QTMAN: variants seen among roughly 807,000 people sequenced by gnomAD.
QTMAN encodes tRNA-queuosine alpha-mannosyltransferase.
At chr2:144,296,340 A>C in the QTMAN span, among the ~76,000 whole-genome samples, 6 of 152,334 alleles carry the variant, frequency 3.9e-5, no homozygotes, top group African/African-American at 1.4e-4. Flanking sequence ...TTATAAGATA[A>C]ACTAAACCAA....
the QTMAN span, among the ~76,000 whole-genome samples, chr2:144,122,112 G>A: frequency 6.6e-6 from 1 of 152,000 alleles, no homozygotes; most frequent in Non-Finnish European, 1.5e-5. Flanking sequence ...TAAAATTAAT[G>A]GCACTATTGT....
chr2:144,040,978 A>G, the QTMAN span, among the ~76,000 whole-genome samples: 1 of 152,198 alleles, frequency 6.6e-6, no homozygotes, highest in Non-Finnish European at 1.5e-5. Context: ...ATATTTTAGT[A>G]TATTTTTGGA....
the QTMAN span, among the ~76,000 whole-genome samples, chr2:144,302,219 T>A: frequency 1.5e-4 from 23 of 151,734 alleles, no homozygotes; most frequent in African/African-American, 5.3e-4. Context: ...CAAATACTGC[T>A]TTTCCTCAAT....
the QTMAN span, among the ~76,000 whole-genome samples, chr2:144,112,806 G>A: frequency 6.6e-6 from 1 of 152,124 alleles, no homozygotes; most frequent in Non-Finnish European, 1.5e-5. Context: ...TGTCAGAGAG[G>A]ACTTAATGGA....
the QTMAN span, among the ~76,000 whole-genome samples, chr2:144,019,257 C>T: frequency 6.6e-6 from 1 of 151,942 alleles, no homozygotes; most frequent in African/African-American, 2.4e-5. Flanking sequence ...CTTTTCAATT[C>T]CTACTAAAAT....
chr2:143,951,161 A>G, the QTMAN span: 1 of 152,004 alleles, frequency 6.6e-6, no homozygotes, highest in African/African-American at 2.4e-5. Flanking sequence ...ATGTTAGATT[A>G]TAAAACTGCT....
the QTMAN span, among the ~76,000 whole-genome samples, chr2:144,237,801 C>T: frequency 6.6e-6 from 1 of 152,146 alleles, no homozygotes; most frequent in South Asian, 2.1e-4. Context: ...GTGAAAGTGA[C>T]AGTGTCTGTC....
At chr2:144,097,589 G>A in the QTMAN span, among the ~76,000 whole-genome samples, 4 of 152,138 alleles carry the variant, frequency 2.6e-5, no homozygotes, top group Admixed American at 2.6e-4. Flanking sequence ...GGGAGGGAAC[G>A]ATCTTGATGT....
chr2:144,179,699 C>T, the QTMAN span, among the ~76,000 whole-genome samples: 2 of 152,096 alleles, frequency 1.3e-5, no homozygotes, highest in African/African-American at 4.8e-5. Context: ...ACAAGAGTTG[C>T]CTACAAAACT....
At chr2:144,298,841 C>T in the QTMAN span, among the ~76,000 whole-genome samples, 1 of 152,192 alleles carries the variant, frequency 6.6e-6, no homozygotes, top group African/African-American at 2.4e-5. Context: ...AGCTTATGTG[C>T]ACTCTTCCAA....
the QTMAN span, among the ~76,000 whole-genome samples, chr2:144,297,034 A>G: frequency 2.0e-5 from 3 of 152,208 alleles, no homozygotes; most frequent in Non-Finnish European, 4.4e-5. Flanking sequence ...AGTTTTATAA[A>G]TTGATTTCCT....
At chr2:144,153,295 A>G in the QTMAN span, among the ~76,000 whole-genome samples, 1 of 152,184 alleles carries the variant, frequency 6.6e-6, no homozygotes, top group Non-Finnish European at 1.5e-5. Context: ...CTTATTGGCC[A>G]AGAAAAAGAT....
the QTMAN span, among the ~76,000 whole-genome samples, chr2:143,957,663 A>G: frequency 6.6e-6 from 1 of 152,196 alleles, no homozygotes. Flanking sequence ...AAAAGAATTA[A>G]GCTAATGGAG....
the QTMAN span, among the ~76,000 whole-genome samples, chr2:144,207,590 A>T: frequency 9.8e-5 from 15 of 152,306 alleles, no homozygotes; most frequent in African/African-American, 1.9e-4. Flanking sequence ...CCCATTATTT[A>T]AAAAAGTATA....
At chr2:143,990,976 A>C in the QTMAN span, among the ~76,000 whole-genome samples, 1 of 152,226 alleles carries the variant, frequency 6.6e-6, no homozygotes, top group Non-Finnish European at 1.5e-5. Context: ...AAAATCATTA[A>C]AGTCAAGGGA....
chr2:144,325,823 A>T, the QTMAN span, among the ~76,000 whole-genome samples: 1 of 152,216 alleles, frequency 6.6e-6, no homozygotes, highest in African/African-American at 2.4e-5. Context: ...TTAGCACAAG[A>T]AATTTTACAA....
At chr2:143,968,435 T>G in the QTMAN span, among the ~76,000 whole-genome samples, 1 of 152,190 alleles carries the variant, frequency 6.6e-6, no homozygotes, top group African/African-American at 2.4e-5. Flanking sequence ...ATTACTCACC[T>G]GTAATTACTG....
At chr2:144,289,909 T>C in the QTMAN span, among the ~76,000 whole-genome samples, 4 of 152,198 alleles carry the variant, frequency 2.6e-5, no homozygotes, top group African/African-American at 9.7e-5. Context: ...CTCACATATA[T>C]TAAGTTCAGC....
the QTMAN span, among the ~76,000 whole-genome samples, chr2:144,242,300 G>T: frequency 1.3e-5 from 2 of 150,976 alleles, no homozygotes; most frequent in Non-Finnish European, 3.0e-5. Flanking sequence ...TGAACCAAGG[G>T]TTATGCTGAA....
Sources: gnomAD v4.1 joint callset for allele counts (sites outside exome capture counted in the v4.1 genomes callset) on GRCh38, gnomAD v4.1.1 for gene constraint, MANE v1.5 for transcripts, NCBI Gene and HGNC (gene_info 2026-07-23, HGNC 2026-07-21) for gene names.